The following KIF26B variants were observed in gnomAD, a reference collection of about 807,000 sequenced individuals.
KIF26B encodes the protein kinesin family member 26B.
KIF26B carries 63 observed loss-of-function variants against 151.2 expected under a neutral mutation model. That is an observed-to-expected ratio of 0.42 (90% CI 0.34 to 0.51). The LOEUF is 0.51. Ranked by LOEUF, KIF26B falls within the 20% of genes least tolerant of loss-of-function variation. The pLI, the probability that KIF26B is intolerant of heterozygous loss-of-function variation, is 0.07. For missense variants in KIF26B, 2,813 were observed against 2,913.6 expected (o/e 0.97, Z 0.79); for synonymous variants, 1,357 against 1,262.1 (o/e 1.08, Z -1.59).
chr1:245,344,494 C>CAA lies in KIF26B; in HGVS notation c.466-22314_466-22313dup, dbSNP rs57007301. Among the ~76,000 whole-genome samples the CAA allele has an allele frequency of 8.4e-3, 335 of 39,924 alleles. 17 individuals are homozygous for CAA. Among genetic ancestry groups the CAA allele is most frequent in the Non-Finnish European group, 0.012 (122 of 9,970 alleles). The allele number at this position is 39,924 out of a possible 152,430, so 26.2% of individuals were successfully genotyped here. A position where few individuals can be genotyped will look rare whatever the true frequency, so the allele number is the denominator to read the frequency against. On this transcript the variant is annotated intron_variant, in intron 2 of 14. Coordinates refer to ENST00000407071, the MANE Select transcript of KIF26B (RefSeq NM_018012.4). ...TGGGTGACTGAGCTAGACTCCGTCT[C>CAA]AAAAAAAAAAAAAAAAAAAAAAAAA...
intron 10 of KIF26B, among the ~76,000 whole-genome samples, chr1:245,662,637 TAC>T (rs1372581962): frequency 1.0e-3 from 69 of 67,626 alleles, no homozygotes; most frequent in African/African-American, 3.3e-3. Flanking sequence ...CAGTGATATA[TAC>T]ACACACACAC....
chr1:245,456,710 C>T (rs182799590), intron 4 of KIF26B, among the ~76,000 whole-genome samples: 1 of 152,268 alleles, frequency 6.6e-6, no homozygotes, highest in East Asian at 1.9e-4. Context: ...AATTGAGTTA[C>T]CAAAATAGTT....
intron 2 of KIF26B, chr1:245,206,824 A>C (rs924646440): frequency 6.6e-6 from 1 of 152,264 alleles, no homozygotes; most frequent in Non-Finnish European, 1.5e-5. Context: ...AAGTTAGTTT[A>C]TAAAACATTA....
chr1:245,527,589 A>AGTGGCGT (rs759102824), intron 4 of KIF26B, among the ~76,000 whole-genome samples: 1 of 114,606 alleles, frequency 8.7e-6, no homozygotes, highest in Non-Finnish European at 1.6e-5. Flanking sequence ...GCTGGAGCGC[A>AGTGGCGT]GTGGCGTGAT....
intron 2 of KIF26B, among the ~76,000 whole-genome samples, chr1:245,169,354 T>TGTGTGTGTGTGTGTGG (rs1668669696): frequency 6.6e-6 from 1 of 151,880 alleles, no homozygotes; most frequent in Non-Finnish European, 1.5e-5. Context: ...TGTGTGTGTG[T>TGTGTGTGTGTGTGTGG]GTGTGTGTGC....
intron 4 of KIF26B, among the ~76,000 whole-genome samples, chr1:245,460,962 G>A (rs145550219): frequency 1.3e-5 from 2 of 152,354 alleles, no homozygotes; most frequent in East Asian, 3.9e-4. Flanking sequence ...AGTAAGGAGT[G>A]AGGCTGATGG....
At chr1:245,668,147 C>T (rs1240200485) in intron 10 of KIF26B, among the ~76,000 whole-genome samples, 2 of 152,150 alleles carry the variant, frequency 1.3e-5, no homozygotes, top group Non-Finnish European at 1.5e-5. Context: ...CAGCCTGCCT[C>T]GGCCTCCCAA....
intron 2 of KIF26B, among the ~76,000 whole-genome samples, chr1:245,209,021 G>T (rs1399038806): frequency 6.6e-6 from 1 of 152,188 alleles, no homozygotes; most frequent in Non-Finnish European, 1.5e-5. Context: ...TTCTTCGCCA[G>T]ACTGTAAGTC....
chr1:245,473,463 G>A (rs1373600971), intron 4 of KIF26B, among the ~76,000 whole-genome samples: 1 of 152,000 alleles, frequency 6.6e-6, no homozygotes, highest in Non-Finnish European at 1.5e-5. Flanking sequence ...AGGCGAGTGT[G>A]CCCCCATCGA....
intron 3 of KIF26B, among the ~76,000 whole-genome samples, chr1:245,394,904 C>A (rs1673793333): frequency 1.3e-5 from 2 of 151,978 alleles, no homozygotes; most frequent in Non-Finnish European, 2.9e-5. Flanking sequence ...CTTGGCCAGG[C>A]TGGTTTCGAA....
chr1:245,259,167 T>G (rs1247679375), intron 2 of KIF26B, among the ~76,000 whole-genome samples: 1 of 152,240 alleles, frequency 6.6e-6, no homozygotes, highest in African/African-American at 2.4e-5. Flanking sequence ...GGGTGATTTC[T>G]TAAGGTGTTT....
chr1:245,688,910 AG>A, intron 12 of KIF26B, 103 bp downstream of exon 12: 1 of 1,375,884 alleles, frequency 7.3e-7, no homozygotes, highest in Non-Finnish European at 9.6e-7. Context: ...GGGGGCGTCC[AG>A]GCCTGGCCTC....
At chr1:245,535,026 A>G (rs1331469971) in intron 4 of KIF26B, among the ~76,000 whole-genome samples, 1 of 151,816 alleles carries the variant, frequency 6.6e-6, no homozygotes, top group Non-Finnish European at 1.5e-5. Flanking sequence ...TAAGTGATCC[A>G]CCCACCTCGG....
intron 5 of KIF26B, among the ~76,000 whole-genome samples, chr1:245,594,139 G>A (rs1349480949): frequency 2.0e-5 from 3 of 152,186 alleles, no homozygotes; most frequent in Admixed American, 2.0e-4. Flanking sequence ...TCTGATGATA[G>A]TTTCTTTTGC....
chr1:245,156,150 G>A lies in KIF26B; in HGVS notation c.64-132G>A, dbSNP rs1162855286. ...CAGACGGAGGGCAATTTGGCCGCAG[G>A]GCTTGGAGAGGTCCCCAACCGACTC... On this transcript the variant is annotated intron_variant, in intron 1 of 14. Transcript: ENST00000407071. 4.4e-6 allele frequency: 6 copies of A among 1,349,598 alleles called. No individual in the cohort carries two copies. The African/African-American group carries it at 7.6e-5, about 17-fold the overall frequency. The allele number at this position is 1,349,598 out of a possible 1,614,324, so 83.6% of individuals were successfully genotyped here. A position where few individuals can be genotyped will look rare whatever the true frequency, so the allele number is the denominator to read the frequency against.
intron 4 of KIF26B, among the ~76,000 whole-genome samples, chr1:245,435,130 CCCATCCATCCATCCAT>C (rs34535359): frequency 8.6e-4 from 125 of 145,222 alleles, no homozygotes; most frequent in Admixed American, 2.1e-3. Flanking sequence ...TCTCCATCTA[CCCATCCATCCATCCAT>C]CCATCCATCC....
At chr1:245,641,736 A>C (rs2043894396) in intron 9 of KIF26B, among the ~76,000 whole-genome samples, 1 of 152,098 alleles carries the variant, frequency 6.6e-6, no homozygotes, top group Non-Finnish European at 1.5e-5. Flanking sequence ...GCTTTCTTGA[A>C]GTTCACTGAG....
intron 9 of KIF26B, among the ~76,000 whole-genome samples, chr1:245,617,080 G>GT (rs1308511296): frequency 2.8e-5 from 4 of 143,934 alleles, no homozygotes; most frequent in African/African-American, 1.0e-4. Context: ...TCTTTAATCT[G>GT]TTTTTTTGTT....
At chr1:245,280,280 G>A (rs902035932) in intron 2 of KIF26B, among the ~76,000 whole-genome samples, 63 of 151,324 alleles carry the variant, frequency 4.2e-4, no homozygotes, top group African/African-American at 1.4e-3. Flanking sequence ...TTGGGAGGCC[G>A]AGACGGGTGG....
Sources: allele counts gnomAD v4.1 joint callset (sites outside exome capture counted in the v4.1 genomes callset), GRCh38; gene constraint gnomAD v4.1.1; transcripts MANE v1.5; gene names NCBI Gene and HGNC (gene_info 2026-07-23, HGNC 2026-07-21).